The following IFT43 variants were observed in gnomAD, a reference collection of about 807,000 sequenced individuals.
The protein encoded by IFT43 is intraflagellar transport 43.
IFT43 carries 33 observed loss-of-function variants against 32.3 expected under a neutral mutation model. The observed-to-expected ratio is 1.02, with a 90% CI of 0.77 to 1.37. The LOEUF is 1.37. Among genes scored for constraint, IFT43 ranks in the 40% most tolerant of loss-of-function variants. The probability of loss-of-function intolerance (pLI) is 0.00; values close to 1 mark genes in which losing one functional copy is unlikely to be tolerated. For synonymous variants in IFT43, 93 were observed against 98.2 expected, an observed-to-expected ratio of 0.95 and a Z score of 0.31; for missense variants, 274 against 265.9, an observed-to-expected ratio of 1.03 and a Z score of -0.21.
chr14:76,082,310 C>T lies in IFT43; in HGVS notation c.311C>T (p.Pro104Leu), dbSNP rs144547737. ...SDYGGDIPII[P>L]DLEEVQEEDF... ...CTCCTTGCAGATATTCCTATCATTC[C>T]GGATCTGGAGGAAGTACAGGAAGAA... is the stretch of plus-strand genomic sequence containing the variant. The change falls in exon 6 of 9, where the codon CCG becomes CTG. Residue 104 changes from proline to leucine, a missense_variant. Pro to Leu is a moderately conservative substitution (Grantham distance 98). Coordinates refer to ENST00000314067, the MANE Select transcript of IFT43 (RefSeq NM_001102564.3). The T allele has an allele frequency of 2.0e-5, 32 of 1,614,038 alleles. No homozygotes were observed. Among genetic ancestry groups the T allele is most frequent in the Admixed American group, 3.3e-5 (2 of 60,020 alleles).
chr14:76,016,016 C>T (rs1347151719), intron 2 of IFT43, among the ~76,000 whole-genome samples: 1 of 152,016 alleles, frequency 6.6e-6, no homozygotes, highest in East Asian at 1.9e-4. Context: ...TTTAATGGGA[C>T]TTTTTTGGGT....
chr14:76,060,047 A>G (rs1434340161), intron 5 of IFT43, among the ~76,000 whole-genome samples: 1 of 152,184 alleles, frequency 6.6e-6, no homozygotes, highest in African/African-American at 2.4e-5. Flanking sequence ...TAGTTAGTTA[A>G]TGGCTAGCTA....
chr14:76,074,930 A>C (rs2140087147), intron 5 of IFT43, among the ~76,000 whole-genome samples: 1 of 152,322 alleles, frequency 6.6e-6, no homozygotes, highest in Non-Finnish European at 1.5e-5. Context: ...TGTGAGGAGC[A>C]GTCAGCTATT....
intron 2 of IFT43, among the ~76,000 whole-genome samples, chr14:75,994,385 A>G (rs2139874837): frequency 6.6e-6 from 1 of 152,266 alleles, no homozygotes; most frequent in East Asian, 1.9e-4. Flanking sequence ...TTGCTTGGTC[A>G]TTCGATACAT....
At chr14:75,996,026 C>T (rs983244804) in intron 2 of IFT43, among the ~76,000 whole-genome samples, 1 of 152,354 alleles carries the variant, frequency 6.6e-6, no homozygotes. Flanking sequence ...TCCGCCAGCA[C>T]TGGCTCTGGC....
chr14:76,000,359 G>T (rs563763177), intron 2 of IFT43, among the ~76,000 whole-genome samples: 1 of 149,980 alleles, frequency 6.7e-6, no homozygotes, highest in African/African-American at 2.4e-5. Context: ...CCGCCTTCTG[G>T]ATTCACGCCA....
intron 5 of IFT43, among the ~76,000 whole-genome samples, chr14:76,074,546 A>G (rs1287375021): frequency 6.6e-6 from 1 of 152,222 alleles, no homozygotes; most frequent in African/African-American, 2.4e-5. Flanking sequence ...GAGTCCTCTC[A>G]GGGCACTGCC....
At position 76,009,859 on chromosome 14, in the gene IFT43, A is replaced by G. The variant is rs530077009; in HGVS notation, c.148-12468A>G. Among the ~76,000 whole-genome samples, 5 of 152,054 alleles carry G rather than the reference A, an allele frequency of 3.3e-5. No individual in the cohort carries two copies. In the South Asian group the frequency reaches 6.3e-4, roughly 19 times the overall value. On this transcript the variant is annotated intron_variant, in intron 2 of 8. Coordinates refer to ENST00000314067, the MANE Select transcript of IFT43 (RefSeq NM_001102564.3). The stretch of plus-strand genomic sequence containing the variant: ...ACCCAGGCTGGAGTGCAGTGATGCA[A>G]TCTCAGCTCACTGCAACCTCCGCCT...
chr14:75,991,376 A>AATATTAACAAGAGTGTGTGTGTGT lies in IFT43; in HGVS notation c.147+2400_147+2423dup, dbSNP rs1443771475. Among the ~76,000 whole-genome samples, 306 of 137,296 alleles carry AATATTAACAAGAGTGTGTGTGTGT rather than the reference A, an allele frequency of 2.2e-3. 2 individuals are homozygous for AATATTAACAAGAGTGTGTGTGTGT. Among genetic ancestry groups the AATATTAACAAGAGTGTGTGTGTGT allele is most frequent in the African/African-American group, 8.2e-3 (287 of 35,028 alleles). 90.1% of individuals were successfully genotyped at this position (137,296 alleles called of 152,430 possible). On this transcript the variant is annotated intron_variant, in intron 2 of 8. Coordinates refer to ENST00000314067, the MANE Select transcript of IFT43 (RefSeq NM_001102564.3). ...AGTATATATTATATATATATATATAAATATTAACAAGAGTGTGTGTGTGTG... is the reference window on the plus strand; with the variant it reads ...AGTATATATTATATATATATATATAAATATTAACAAGAGTGTGTGTGTGTATATTAACAAGAGTGTGTGTGTGTG...
chr14:76,082,718 G>A, intron 7 of IFT43, 26 bp downstream of exon 7: 2 of 1,509,194 alleles, frequency 1.3e-6, no homozygotes, highest in Non-Finnish European at 1.8e-6. Context: ...TCTGCATAGA[G>A]AGGCGGGCTC....
intron 3 of IFT43, among the ~76,000 whole-genome samples, chr14:76,039,793 C>T (rs1306753287): frequency 1.3e-5 from 2 of 152,158 alleles, no homozygotes; most frequent in African/African-American, 2.4e-5. Context: ...CACTTTTAAC[C>T]AGTTTTTTTC....
chr14:75,999,230 T>C, intron 2 of IFT43, among the ~76,000 whole-genome samples: 1 of 4,928 alleles, frequency 2.0e-4, no homozygotes, highest in East Asian at 2.7e-3. Flanking sequence ...ATTCATTTTA[T>C]ATATATATAT....
At chr14:75,988,274 G>A (rs2035567783) in intron 1 of IFT43, among the ~76,000 whole-genome samples, 1 of 152,154 alleles carries the variant, frequency 6.6e-6, no homozygotes, top group Non-Finnish European at 1.5e-5. Context: ...AGCTACTCAG[G>A]AGGGCAAGGT....
At chr14:76,054,212 G>A (rs2036968263) in intron 3 of IFT43, among the ~76,000 whole-genome samples, 1 of 152,114 alleles carries the variant, frequency 6.6e-6, no homozygotes, top group Non-Finnish European at 1.5e-5. Context: ...AAGCTTCCGG[G>A]AATGAGTCTG....
chr14:76,036,278 G>C (rs1349752162), intron 3 of IFT43, among the ~76,000 whole-genome samples: 1 of 152,056 alleles, frequency 6.6e-6, no homozygotes, highest in African/African-American at 2.4e-5. Flanking sequence ...ATTGTAAACA[G>C]AACAAATCAA....
chr14:76,056,557 G>A (rs1426266806), intron 3 of IFT43, among the ~76,000 whole-genome samples: 5 of 152,228 alleles, frequency 3.3e-5, no homozygotes, highest in Non-Finnish European at 7.3e-5. Flanking sequence ...GGGAAGGAAC[G>A]ATTCGGTCAT....
At chr14:75,987,305 T>C (rs1344252752) in intron 1 of IFT43, among the ~76,000 whole-genome samples, 1 of 152,340 alleles carries the variant, frequency 6.6e-6, no homozygotes, top group East Asian at 1.9e-4. Context: ...AGCTGCTTAT[T>C]ATCAGAAAGA....
At position 76,058,657 on chromosome 14, in the gene IFT43, T is replaced by G. The variant is rs2037072313; in HGVS notation, c.231T>G (p.Ala77=). The change falls in exon 4 of 9, where the codon GCT becomes GCG. Residue 77 remains alanine, a synonymous_variant. Coordinates refer to ENST00000314067, the MANE Select transcript of IFT43 (RefSeq NM_001102564.3). The stretch of plus-strand genomic sequence containing the variant: ...TTTTTTTCAGGTTTAGGAGGAAGGC[T>G]TCTGAAGAAATAGAAGAGTACGTTT... ...SVKASKFRRK[A]SEEIEDFRLR... 1 of 1,612,966 alleles carries G rather than the reference T, an allele frequency of 6.2e-7. No homozygotes were observed. The highest frequency in any genetic ancestry group is 8.5e-7 in the Non-Finnish European group (1 of 1,179,722).
chr14:75,991,437 A>G (rs565179125), intron 2 of IFT43, among the ~76,000 whole-genome samples: 4 of 148,894 alleles, frequency 2.7e-5, no homozygotes, highest in East Asian at 4.0e-4. Context: ...ATGTATGTAT[A>G]TATATTTTAA....
Sources: gnomAD v4.1 joint callset for allele counts (sites outside exome capture counted in the v4.1 genomes callset) on GRCh38, gnomAD v4.1.1 for gene constraint, MANE v1.5 for transcripts, NCBI Gene and HGNC (gene_info 2026-07-23, HGNC 2026-07-21) for gene names.